DPYD: variants seen among roughly 807,000 people sequenced by gnomAD.
The protein encoded by DPYD is dihydropyrimidine dehydrogenase, also known as dihydropyrimidine dehydrogenase [NADP(+)].
Under a neutral mutation model 116.2 loss-of-function variants are expected in DPYD, and 109 were observed. The observed-to-expected ratio is 0.94, with a 90% CI of 0.80 to 1.10. DPYD has a LOEUF of 1.10. Ranked by LOEUF, DPYD falls within the 50% of genes least tolerant of loss-of-function variation. The pLI is 0.00. For synonymous variants in DPYD, 440 were observed against 432.0 expected, an observed-to-expected ratio of 1.02 and a Z score of -0.23; for missense variants, 1,302 against 1,254.5, an observed-to-expected ratio of 1.04 and a Z score of -0.57.
intron 3 of DPYD, among the ~76,000 whole-genome samples, chr1:97,801,809 G>A (rs1010460434): frequency 5.9e-5 from 9 of 151,778 alleles, no homozygotes; most frequent in African/African-American, 2.2e-4. Flanking sequence ...TTTCAACCAT[G>A]TGCAGTAACT....
rs147779167 is a variant in DPYD at position 97,585,980 on chromosome 1, T to C, written c.1128+7238A>G. ...CTTCCCTCTTTCCAAAGAGCTGAGA[T>C]AGAAGTACAATGTTTGATCCATGCC... On this transcript the variant is annotated intron_variant, in intron 10 of 22. Coordinates refer to ENST00000370192, the MANE Select transcript of DPYD (RefSeq NM_000110.4). 5.2e-3 allele frequency: 1,136 copies of C among 220,094 alleles called. 12 individuals are homozygous for C. Among genetic ancestry groups the C allele is most frequent in the Non-Finnish European group, 7.6e-3 (796 of 104,680 alleles). The allele number at this position is 220,094 out of a possible 1,614,324, so 13.6% of individuals were successfully genotyped here. A position where few individuals can be genotyped will look rare whatever the true frequency, so the allele number is the denominator to read the frequency against.
At chr1:97,085,189 A>G (rs530694758) in intron 21 of DPYD, among the ~76,000 whole-genome samples, 9 of 152,316 alleles carry the variant, frequency 5.9e-5, no homozygotes, top group African/African-American at 1.9e-4. Context: ...AATCAACCCA[A>G]AGAGTTGTTT....
At chr1:97,227,281 C>T (rs188489679) in intron 19 of DPYD, among the ~76,000 whole-genome samples, 1,700 of 128,736 alleles carry the variant, frequency 0.013, 29 homozygotes, top group Non-Finnish European at 0.017. Context: ...GAGCCGAGAT[C>T]GTGCCACGGC....
chr1:97,498,279 G>T (rs1298378101), intron 13 of DPYD, among the ~76,000 whole-genome samples: 3 of 151,618 alleles, frequency 2.0e-5, no homozygotes, highest in African/African-American at 7.3e-5. Flanking sequence ...TAAAAACCAT[G>T]AAAAGTTACA....
chr1:97,306,280 C>T lies in DPYD; in HGVS notation c.2076G>A (p.Arg692=). 1.9e-6 allele frequency: 3 copies of T among 1,612,332 alleles called. No individual in the cohort carries two copies. The highest frequency in any genetic ancestry group is 2.5e-6 in the Non-Finnish European group (3 of 1,178,796). Residue 692 remains arginine, a synonymous_variant, in exon 17 of 23, where the codon CGG becomes CGA. Transcript: ENST00000370192. The part of the protein sequence containing the change: ...LACGQDPELV[R]NICRWVRQAV... Reference sequence around the variant, plus strand: ...CTTGCCTAACCCAGCGGCAGATGTTCCGCACCAGCTCTGGATCCTGTTCAA... The same window carrying T: ...CTTGCCTAACCCAGCGGCAGATGTTTCGCACCAGCTCTGGATCCTGTTCAA...
At chr1:97,373,159 A>G (rs1671394960) in intron 16 of DPYD, among the ~76,000 whole-genome samples, 1 of 152,200 alleles carries the variant, frequency 6.6e-6, no homozygotes, top group African/African-American at 2.4e-5. Flanking sequence ...TGTAAAATGC[A>G]ATTTGTGCCG....
chr1:97,809,338 G>C (rs559030664), intron 3 of DPYD, among the ~76,000 whole-genome samples: 1 of 152,240 alleles, frequency 6.6e-6, no homozygotes, highest in South Asian at 2.1e-4. Context: ...ATGCATGCCT[G>C]TGATTCTCAT....
At chr1:97,619,313 T>C (rs1312448140) in intron 8 of DPYD, among the ~76,000 whole-genome samples, 2 of 152,202 alleles carry the variant, frequency 1.3e-5, no homozygotes, top group Non-Finnish European at 2.9e-5. Flanking sequence ...CTTATTTATA[T>C]CAACCTGACA....
intron 1 of DPYD, among the ~76,000 whole-genome samples, chr1:97,915,175 C>T (rs1674154651): frequency 6.6e-6 from 1 of 151,932 alleles, no homozygotes; most frequent in Admixed American, 6.5e-5. Context: ...AATGGCAGTC[C>T]AAGAAAGAAG....
chr1:97,823,992 A>G (rs1473881685), intron 3 of DPYD, among the ~76,000 whole-genome samples: 1 of 151,544 alleles, frequency 6.6e-6, no homozygotes, highest in African/African-American at 2.4e-5. Context: ...GTACTTCATC[A>G]TATAATAACT....
Position 97,832,045 on chromosome 1 carries a change from TTGTGTG to T in DPYD, c.151-3855_151-3850del, listed in dbSNP as rs35795641. On this transcript the variant is annotated intron_variant, in intron 2 of 22. Transcript: ENST00000370192. ...CATTATAGCTTTAATATATAATGTATTGTGTGTGTGTGTGTGTGTGTGTGTGTGTGT... is the reference window on the plus strand; with the variant it reads ...CATTATAGCTTTAATATATAATGTATTGTGTGTGTGTGTGTGTGTGTGTGT... 6.8e-3 allele frequency among the ~76,000 whole-genome samples: 916 copies of T among 134,012 alleles called. 8 individuals are homozygous for T. Among genetic ancestry groups the T allele is most frequent in the African/African-American group, 0.021 (748 of 36,246 alleles). 87.9% of individuals were successfully genotyped at this position (134,012 alleles called of 152,430 possible).
Position 97,234,970 on chromosome 1 carries a change from A to C in DPYD, c.2324T>G (p.Leu775Trp), listed in dbSNP as rs200643089. The C allele has an allele frequency of 1.7e-5, 27 of 1,614,132 alleles. No individual in the cohort carries two copies. Among genetic ancestry groups the C allele is most frequent in the Admixed American group, 1.2e-4 (7 of 60,022 alleles). The change falls in exon 19 of 23, where the codon TTG becomes TGG. Residue 775 changes from leucine to tryptophan, a missense_variant. By Grantham distance (61) the Leu-to-Trp change is moderately conservative. Transcript: ENST00000370192. ...VSGTAIRPIA[L>W]RAVTSIARAL... ...ACGAGCAATGGAGGTCACAGCTCTC[A>C]AAGCAATAGGTCTGATTGCTGTCCC...
intron 18 of DPYD, among the ~76,000 whole-genome samples, chr1:97,251,304 A>G (rs1309950681): frequency 6.6e-6 from 1 of 150,752 alleles, no homozygotes; most frequent in Non-Finnish European, 1.5e-5. Flanking sequence ...AGGCAGGAGA[A>G]TCGCTTGAAT....
chr1:97,341,061 A>C (rs1669564743), intron 16 of DPYD, among the ~76,000 whole-genome samples: 2 of 152,122 alleles, frequency 1.3e-5, no homozygotes, highest in South Asian at 4.1e-4. Flanking sequence ...TTACCAAGAG[A>C]AATTGAAGGA....
At chr1:97,403,167 A>G (rs1250232241) in intron 14 of DPYD, among the ~76,000 whole-genome samples, 1 of 152,072 alleles carries the variant, frequency 6.6e-6, no homozygotes, top group Non-Finnish European at 1.5e-5. Flanking sequence ...CGATGGGGTT[A>G]AGTCCTGATA....
intron 19 of DPYD, among the ~76,000 whole-genome samples, chr1:97,214,288 T>G (rs893455965): frequency 2.0e-5 from 3 of 152,198 alleles, no homozygotes; most frequent in Non-Finnish European, 4.4e-5. Flanking sequence ...CACTCACCTG[T>G]GTACCACTCA....
intron 4 of DPYD, among the ~76,000 whole-genome samples, chr1:97,732,063 T>C (rs966722457): frequency 6.6e-6 from 1 of 152,092 alleles, no homozygotes; most frequent in African/African-American, 2.4e-5. Flanking sequence ...GGACTTATAG[T>C]TGTTTACATT....
intron 2 of DPYD, among the ~76,000 whole-genome samples, chr1:97,882,303 T>C (rs1047818215): frequency 5.9e-5 from 9 of 151,906 alleles, no homozygotes; most frequent in African/African-American, 2.2e-4. Flanking sequence ...TCTTTTTTCA[T>C]TCAAAAAAAA....
At chr1:97,311,965 T>G (rs1667547600) in intron 16 of DPYD, among the ~76,000 whole-genome samples, 1 of 148,876 alleles carries the variant, frequency 6.7e-6, no homozygotes, top group African/African-American at 2.6e-5. Context: ...ACAGAGAGGG[T>G]TGTGTTAGGG....
Sources: gnomAD v4.1 joint callset for allele counts (sites outside exome capture counted in the v4.1 genomes callset) on GRCh38, gnomAD v4.1.1 for gene constraint, MANE v1.5 for transcripts, NCBI Gene and HGNC (gene_info 2026-07-23, HGNC 2026-07-21) for gene names.